The following UBE2C variants were observed in gnomAD, a reference collection of about 807,000 sequenced individuals.
The protein encoded by UBE2C is ubiquitin-conjugating enzyme E2 C.
In UBE2C, 16 loss-of-function variants were observed where a neutral mutation model predicts 23.5. The observed-to-expected ratio is 0.68, with a 90% confidence interval of 0.46 to 1.03. The LOEUF is 1.03. Ranked by LOEUF, UBE2C falls within the 50% of genes least tolerant of loss-of-function variation. The probability of loss-of-function intolerance (pLI) is 0.00; values close to 1 mark genes in which losing one functional copy is unlikely to be tolerated. For missense variants in UBE2C, 192 were observed against 227.6 expected (o/e 0.84, Z 1.01); for synonymous variants, 76 against 91.6 (o/e 0.83, Z 0.97).
rs1245671941 is a variant in UBE2C, at chr20:45,813,470, T to C, written c.129+6T>C. 1 of 1,613,886 alleles carries C rather than the reference T, an allele frequency of 6.2e-7. No individual in the cohort carries two copies. Among genetic ancestry groups the C allele is most frequent in the African/African-American group, 1.3e-5 (1 of 74,844 alleles). On this transcript the variant is annotated splice_donor_region_variant and intron_variant, in intron 2 of 5. Transcript: ENST00000356455. The stretch of plus-strand genomic sequence containing the variant: ...AGGAGCTGATGACCCTCATGGTGAG[T>C]GATTAAGTGCCCAGAACCCCAGCCT...
At chr20:45,815,424 G>A (rs755388093) in intron 3 of UBE2C, 117 bp from the exon 4 acceptor site, 1 of 1,613,478 alleles carries the variant, frequency 6.2e-7, no homozygotes, top group East Asian at 2.2e-5. Context: ...TCAACAGTTT[G>A]TCTACTGTCC....
intron 5 of UBE2C, 52 bp downstream of exon 5, chr20:45,815,965 G>A: frequency 6.3e-7 from 1 of 1,594,998 alleles, no homozygotes; most frequent in Non-Finnish European, 8.6e-7. Flanking sequence ...ACCTTCAAAG[G>A]CTCCCTCAAA....
At chr20:45,813,859 C>T (rs1350582089) in intron 2 of UBE2C, among the ~76,000 whole-genome samples, 2 of 152,206 alleles carry the variant, frequency 1.3e-5, no homozygotes, top group Middle Eastern at 3.4e-3. Context: ...AATCCCAACA[C>T]TTTGGGGGGC....
chr20:45,816,740 A>G lies in UBE2C; in HGVS notation c.513A>G (p.Ser171=). ...AGAAGTACCTGCAAGAAACCTACTC[A>G]AAGCAGGTCACCAGCCAGGAGCCCT... ...AFKKYLQETY[S]KQVTSQEP is the part of the protein sequence containing the mutation. The change falls in exon 6 of 6, where the codon TCA becomes TCG. Residue 171 remains serine, a synonymous_variant. Transcript: ENST00000356455. 1 of 1,613,766 alleles carries G rather than the reference A, an allele frequency of 6.2e-7. No individual in the cohort carries two copies. Among genetic ancestry groups the G allele is most frequent in the Non-Finnish European group, 8.5e-7 (1 of 1,179,766 alleles).
chr20:45,815,603 G>A lies in UBE2C; in HGVS notation c.279G>A (p.Ala93=), dbSNP rs566343358. 3.3e-5 allele frequency: 53 copies of A among 1,613,992 alleles called. No homozygotes were observed. Among genetic ancestry groups the A allele is most frequent in the Admixed American group, 1.2e-4 (7 of 60,002 alleles). The stretch of plus-strand genomic sequence containing the variant: ...TCCCCAGTGGCTACCCTTACAATGC[G>A]CCCACAGTGAAGTTCCTCACGCCCT... ...LEFPSGYPYN[A]PTVKFLTPCY... Residue 93 remains alanine (A), a synonymous_variant, in exon 4 of 6, where the codon GCG becomes GCA. Transcript: ENST00000356455.
chr20:45,815,979 A>G, intron 5 of UBE2C, 66 bp downstream of exon 5: 1 of 1,554,828 alleles, frequency 6.4e-7, no homozygotes. Flanking sequence ...CCTCAAACAA[A>G]AGGAGCCCAG....
In UBE2C at chr20:45,813,479, G is replaced by A. The variant is rs1375147730; in HGVS notation, c.129+15G>A. 6.2e-7 allele frequency: 1 copy of A among 1,613,970 alleles called. No individual in the cohort carries two copies. Among genetic ancestry groups the A allele is most frequent in the East Asian group, 2.2e-5 (1 of 44,880 alleles). On this transcript the variant is annotated intron_variant, in intron 2 of 5. Coordinates refer to ENST00000356455, the MANE Select transcript of UBE2C (RefSeq NM_007019.4). ...TGACCCTCATGGTGAGTGATTAAGT[G>A]CCCAGAACCCCAGCCTTCCATCCAA...
Position 45,814,388 on chromosome 20 carries a change from C to A in UBE2C, c.134C>A (p.Ser45Tyr). The A allele has an allele frequency of 6.2e-7, 1 of 1,605,926 alleles. No individual in the cohort carries two copies. The highest frequency in any genetic ancestry group is 8.5e-7 in the Non-Finnish European group (1 of 1,176,190). Residue 45 changes from serine (S) to tyrosine (Y), a missense_variant, in exon 3 of 6, where the codon TCT becomes TAT. By Grantham distance (144) the Ser-to-Tyr change is moderately radical. Coordinates refer to ENST00000356455, the MANE Select transcript of UBE2C (RefSeq NM_007019.4). Reference protein sequence around the residue: ...LQQELMTLMMSGDKGISAFPE... With the variant: ...LQQELMTLMMYGDKGISAFPE... ...ACAAATGTGTTTTCTCCCCAGATGTCTGGCGATAAAGGGATTTCTGCCTTC... is the reference window on the plus strand; with the variant it reads ...ACAAATGTGTTTTCTCCCCAGATGTATGGCGATAAAGGGATTTCTGCCTTC...
intron 2 of UBE2C, among the ~76,000 whole-genome samples, chr20:45,814,156 A>C (rs1982229549): frequency 6.8e-6 from 1 of 147,122 alleles, no homozygotes; most frequent in African/African-American, 2.6e-5. Flanking sequence ...CTATATATAT[A>C]TATATGTAAA....
Position 45,814,271 on chromosome 20 carries a change from C to CATATATATATATATATATATATATAT in UBE2C, c.130-109_130-84dup, listed in dbSNP as rs3080107. The CATATATATATATATATATATATATAT allele has an allele frequency of 2.0e-4, 79 of 391,488 alleles. 1 individual carries two copies. Among genetic ancestry groups the CATATATATATATATATATATATATAT allele is most frequent in the African/African-American group, 7.5e-4 (30 of 39,812 alleles). 24.3% of individuals were successfully genotyped at this position (391,488 alleles called of 1,614,324 possible). On this transcript the variant is annotated intron_variant, in intron 2 of 5. Transcript: ENST00000356455. ...ATATATGTGTGTGTGTGTATGTGAG[C>CATATATATATATATATATATATATAT]ATATATATATATATATATATATATA...
chr20:45,813,197 T>C (rs1485643290), intron 1 of UBE2C: 3 of 1,424,156 alleles, frequency 2.1e-6, no homozygotes, highest in African/African-American at 2.9e-5. Context: ...GAAGAGATGC[T>C]AAAGCCTGGG....
At chr20:45,814,089 T>C (rs555013781) in intron 2 of UBE2C, among the ~76,000 whole-genome samples, 1 of 149,316 alleles carries the variant, frequency 6.7e-6, no homozygotes, top group Non-Finnish European at 1.5e-5. Context: ...GGCGACAGAG[T>C]GTGTGTGTGT....
chr20:45,813,622 C>T (rs930981596), intron 2 of UBE2C, among the ~76,000 whole-genome samples, 158 bp downstream of exon 2: 17 of 152,018 alleles, frequency 1.1e-4, no homozygotes, highest in African/African-American at 4.1e-4. Context: ...TCCAGCAGTC[C>T]CTCCTCCCAA....
Position 45,812,744 on chromosome 20 carries a change from C to G in UBE2C, c.49C>G (p.Arg17Gly), listed in dbSNP as rs774646356. 2.6e-6 allele frequency: 4 copies of G among 1,556,702 alleles called. No homozygotes were observed. The highest frequency in any genetic ancestry group is 3.5e-6 in the Non-Finnish European group (4 of 1,150,276). The change falls in exon 1 of 6, where the codon CGT (arginine) becomes GGT (glycine). Residue 17 changes from arginine (R) to glycine (G), a missense_variant. Coordinates refer to ENST00000356455, the MANE Select transcript of UBE2C (RefSeq NM_007019.4). ...DPAATSVAAARKGAEPSGGAA... is the reference protein window; with the variant it reads ...DPAATSVAAAGKGAEPSGGAA... ...AGCCGCCACTAGCGTCGCCGCCGCC[C>G]GTAAAGGAGCTGAGCCGAGCGGGGG...
chr20:45,816,938 T>A lies in UBE2C; in HGVS notation c.*171T>A. 1 of 544,696 alleles carries A rather than the reference T, an allele frequency of 1.8e-6. No homozygotes were observed. Among genetic ancestry groups the A allele is most frequent in the Non-Finnish European group, 3.2e-6 (1 of 316,134 alleles). The allele number at this position is 544,696 out of a possible 1,614,324, so 33.7% of individuals were successfully genotyped here. On this transcript the variant is annotated 3_prime_UTR_variant, in exon 6 of 6. Coordinates refer to ENST00000356455, the MANE Select transcript of UBE2C (RefSeq NM_007019.4). Reference sequence around the variant, plus strand: ...GCCCTTGTATATTAAATAAATGCATTTTTGTCCTTTTTTAGACAAGTTGTT... The same window carrying A: ...GCCCTTGTATATTAAATAAATGCATATTTGTCCTTTTTTAGACAAGTTGTT...
chr20:45,814,571 C>T (rs886678381), intron 3 of UBE2C, 101 bp downstream of exon 3: 2 of 823,418 alleles, frequency 2.4e-6, no homozygotes, highest in East Asian at 3.0e-5. Flanking sequence ...CAAGACACTC[C>T]TCCTGTGACT....
intron 1 of UBE2C, chr20:45,813,166 G>A (rs1483973185): frequency 5.7e-6 from 8 of 1,409,220 alleles, no homozygotes; most frequent in Admixed American, 6.1e-5. Flanking sequence ...ACAGGGGAAG[G>A]GAGAAGTTGA....
Position 45,816,695 on chromosome 20 carries a change from C to G in UBE2C, c.482-14C>G, listed in dbSNP as rs1469581069. On this transcript the variant is annotated splice_polypyrimidine_tract_variant and intron_variant, in intron 5 of 5. Coordinates refer to ENST00000356455, the MANE Select transcript of UBE2C (RefSeq NM_007019.4). ...GTCTCCATCACTCACTGAGACCTGC[C>G]TGTTCTCTTCCAGCTTTTAAGAAGT... 6.2e-7 allele frequency: 1 copy of G among 1,612,988 alleles called. No individual in the cohort carries two copies. Among genetic ancestry groups the G allele is most frequent in the Non-Finnish European group, 8.5e-7 (1 of 1,179,392 alleles).
chr20:45,816,581 G>A (rs112514436), intron 5 of UBE2C, 128 bp from the exon 6 acceptor site: 1 of 763,498 alleles, frequency 1.3e-6, no homozygotes, highest in African/African-American at 1.8e-5. Flanking sequence ...AGGTTGCAGT[G>A]AGCAGACATC....
Sources: allele counts gnomAD v4.1 joint callset (sites outside exome capture counted in the v4.1 genomes callset), GRCh38; gene constraint gnomAD v4.1.1; transcripts MANE v1.5; gene names NCBI Gene and HGNC (gene_info 2026-07-23, HGNC 2026-07-21).